The following ARAP3 variants were observed in gnomAD, a reference collection of about 807,000 sequenced individuals.
ARAP3 encodes arf-GAP with Rho-GAP domain, ANK repeat and PH domain-containing protein 3.
ARAP3 carries 82 observed loss-of-function variants against 169.2 expected under a neutral mutation model. That is an observed-to-expected ratio of 0.48 (90% CI 0.41 to 0.58). The LOEUF (loss-of-function observed/expected upper bound fraction) is 0.58. Among genes scored for constraint, ARAP3 ranks in the 20% least tolerant of loss-of-function variants. The probability of loss-of-function intolerance (pLI) is 0.00; values close to 1 mark genes in which losing one functional copy is unlikely to be tolerated. For missense variants in ARAP3, 1,764 were observed against 2,018.0 expected, an observed-to-expected ratio of 0.87 and a Z score of 2.41; for synonymous variants, 791 against 800.3, an observed-to-expected ratio of 0.99 and a Z score of 0.20.
intron 32 of ARAP3, among the ~76,000 whole-genome samples, chr5:141,655,154 T>TCA (rs2099909055): frequency 7.0e-6 from 1 of 143,446 alleles, no homozygotes; most frequent in Non-Finnish European, 1.5e-5. Flanking sequence ...CCTCTCTCTC[T>TCA]CTCACACACA....
intron 27 of ARAP3, 94 bp from the exon 28 acceptor site, chr5:141,656,370 A>G: frequency 1.3e-6 from 2 of 1,595,272 alleles, no homozygotes; most frequent in Non-Finnish European, 1.7e-6. Flanking sequence ...CTGTGGTCAC[A>G]GGGTCACAGA....
chr5:141,671,889 G>A lies in ARAP3; in HGVS notation c.1671+6C>T, dbSNP rs774405004. The A allele has an allele frequency of 5.6e-5, 91 of 1,614,008 alleles. No homozygotes were observed. Among genetic ancestry groups the A allele is most frequent in the Admixed American group, 5.2e-4 (31 of 59,996 alleles). On this transcript the variant is annotated splice_donor_region_variant and intron_variant, in intron 11 of 32. Transcript: ENST00000239440. The surrounding 1 kb of genome is among the most constrained non-coding windows in gnomAD (Gnocchi z 4.9). Reference sequence around the variant, plus strand: ...CCTCCCACCTTCTCCCTCTTCGCCCGCTCACCTGTACTATCTCATTACTCC... The same window carrying A: ...CCTCCCACCTTCTCCCTCTTCGCCCACTCACCTGTACTATCTCATTACTCC...
Position 141,667,059 on chromosome 5 carries a change from G to A in ARAP3, c.2353-416C>T, listed in dbSNP as rs528637210. 1.4e-4 allele frequency among the ~76,000 whole-genome samples: 21 copies of A among 151,994 alleles called. No homozygotes were observed. In the South Asian group the frequency reaches 3.9e-3, roughly 29 times the overall value. On this transcript the variant is annotated intron_variant, in intron 16 of 32. Coordinates refer to ENST00000239440, the MANE Select transcript of ARAP3 (RefSeq NM_022481.6). ...TGAGTAGCTGGGACTACAGGAGCAT[G>A]CCATCACACCTGGCTAATTTTTTTT...
At chr5:141,670,743 C>G (rs1260066919) in intron 13 of ARAP3, 115 bp from the exon 14 acceptor site, 2 of 839,302 alleles carry the variant, frequency 2.4e-6, no homozygotes, top group Non-Finnish European at 3.9e-6. Flanking sequence ...ACTGCCAGCA[C>G]AGCCAAGTAG....
intron 4 of ARAP3, among the ~76,000 whole-genome samples, chr5:141,674,233 GA>G (rs1034297663): frequency 6.6e-6 from 1 of 152,042 alleles, no homozygotes; most frequent in African/African-American, 2.4e-5. Flanking sequence ...AAAGTGTTGG[GA>G]TTACAGGCGT....
At chr5:141,666,682 G>C in intron 16 of ARAP3, 39 bp from the exon 17 acceptor site, 1 of 1,133,574 alleles carries the variant, frequency 8.8e-7, no homozygotes, top group Non-Finnish European at 1.2e-6. Flanking sequence ...AGGGGGATGG[G>C]GGAAGAGACA....
chr5:141,654,344 A>G lies in ARAP3; in HGVS notation c.4241T>C (p.Phe1414Ser). Residue 1414 changes from phenylalanine (F) to serine (S), a missense_variant, in exon 33 of 33, where the codon TTC becomes TCC. By Grantham distance (155) the Phe-to-Ser change is radical. Transcript: ENST00000239440. ...EEPVYEEVGA[F>S]PELIQDTSTS... ...AGAAGTGTCCTGGATCAACTCAGGG[A>G]AGGCCCCTACTTCCTCATACACTGG... is the stretch of plus-strand genomic sequence containing the variant. The G allele has an allele frequency of 1.9e-6, 3 of 1,614,022 alleles. No individual in the cohort carries two copies. Among genetic ancestry groups the G allele is most frequent in the Non-Finnish European group, 2.5e-6 (3 of 1,179,990 alleles).
intron 19 of ARAP3, among the ~76,000 whole-genome samples, chr5:141,663,872 A>G (rs1033420701): frequency 3.3e-5 from 5 of 152,230 alleles, no homozygotes; most frequent in South Asian, 2.1e-4. Flanking sequence ...AAATATTTGG[A>G]AAAAAACCCC....
rs765169717 is a variant in ARAP3 at position 141,654,324 on chromosome 5, T to C, written c.4261A>G (p.Thr1421Ala). The change falls in exon 33 of 33, where the codon ACT becomes GCT. Residue 1421 changes from threonine (T) to alanine (A), a missense_variant. By Grantham distance (58) the Thr-to-Ala change is moderately conservative. Around this residue, in one of 3 missense-constraint regions of ARAP3, gnomAD observed 1,112 missense variants for 1,285.7 expected, o/e 0.86. Transcript: ENST00000239440. ...VGAFPELIQDTSTSFSTTREW... is the reference protein window; with the variant it reads ...VGAFPELIQDASTSFSTTREW... The stretch of plus-strand genomic sequence containing the variant: ...CGTGTGGTGGAGAAGGAGGTAGAAG[T>C]GTCCTGGATCAACTCAGGGAAGGCC... The C allele has an allele frequency of 1.2e-6, 2 of 1,614,112 alleles. No homozygotes were observed. The highest frequency in any genetic ancestry group is 2.2e-5 in the South Asian group (2 of 91,082).
chr5:141,681,592 C>G (rs1162852638), intron 1 of ARAP3, among the ~76,000 whole-genome samples: 1 of 152,152 alleles, frequency 6.6e-6, no homozygotes, highest in Non-Finnish European at 1.5e-5. Flanking sequence ...TTCTTTGTCC[C>G]TCTCCTTGTC....
At chr5:141,678,367 C>T (rs1470922665) in intron 4 of ARAP3, among the ~76,000 whole-genome samples, 1 of 152,190 alleles carries the variant, frequency 6.6e-6, no homozygotes, top group East Asian at 1.9e-4. Context: ...CCTTTGGGCA[C>T]ACACCCGCCT....
In ARAP3 at chr5:141,672,853, G is replaced by A. The variant is rs749701227; in HGVS notation, c.1166C>T (p.Pro389Leu). The A allele has an allele frequency of 1.9e-6, 3 of 1,606,364 alleles. No individual in the cohort carries two copies. Among genetic ancestry groups the A allele is most frequent in the South Asian group, 1.1e-5 (1 of 90,378 alleles). ...GCGGAGGGGTCGGGGTGGTTGGGGG[G>A]GCCGGGGGTGGCCCAGGAGGCGCTG... ...KEQRLLGHPR[P>L]PQPPRPLRTG... The change falls in exon 8 of 33, where the codon CCC becomes CTC. Residue 389 changes from proline to leucine, a missense_variant. Around this residue, in one of 3 missense-constraint regions of ARAP3, gnomAD observed 630 missense variants for 678.7 expected, o/e 0.93. Coordinates refer to ENST00000239440, the MANE Select transcript of ARAP3 (RefSeq NM_022481.6). This position sits in a 1 kb window ranked among gnomAD's most constrained non-coding sequence, Gnocchi z 4.9.
chr5:141,656,144 G>T, intron 28 of ARAP3, 45 bp from the exon 29 acceptor site: 1 of 1,614,076 alleles, frequency 6.2e-7, no homozygotes, highest in East Asian at 2.2e-5. Flanking sequence ...AAGGGCAGGG[G>T]GGTGAAGGCA....
chr5:141,674,692 G>C (rs1245109984), intron 4 of ARAP3, among the ~76,000 whole-genome samples: 1 of 152,180 alleles, frequency 6.6e-6, no homozygotes, highest in African/African-American at 2.4e-5. Flanking sequence ...GTATGACTTG[G>C]ATGGAAAAGA....
At position 141,659,831 on chromosome 5, in the gene ARAP3, T is replaced by C. The variant is rs778551241; in HGVS notation, c.3215A>G (p.His1072Arg). 7.4e-6 allele frequency: 12 copies of C among 1,611,128 alleles called. No homozygotes were observed. The highest frequency in any genetic ancestry group is 1.0e-5 in the Non-Finnish European group (12 of 1,179,034). The change falls in exon 22 of 33, where the codon CAC becomes CGC. Residue 1072 changes from histidine to arginine, a missense_variant. By Grantham distance (29) the His-to-Arg change is conservative. Around this residue, in one of 3 missense-constraint regions of ARAP3, gnomAD observed 1,112 missense variants for 1,285.7 expected, o/e 0.86. Transcript: ENST00000239440. ...GAGCTCTTGCAGCACTCGCACCTCGTGCTCCCCTCGCCCATCCGTCTGGAA... is the reference window on the plus strand; with the variant it reads ...GAGCTCTTGCAGCACTCGCACCTCGCGCTCCCCTCGCCCATCCGTCTGGAA... ...SVFQTDGRGE[H>R]EVRVLQELID...
Position 141,679,762 on chromosome 5 carries a change from T to A in ARAP3, c.585A>T (p.Thr195=), listed in dbSNP as rs1447986101. The change falls in exon 3 of 33, where the codon ACA becomes ACT. Residue 195 remains threonine, a splice_region_variant and synonymous_variant. Transcript: ENST00000239440. ...CCCAACCCGTGATAACCCAGTTACCTGTGCCTGTTGTGGGCCTGAGGGCAG... is the reference window on the plus strand; with the variant it reads ...CCCAACCCGTGATAACCCAGTTACCAGTGCCTGTTGTGGGCCTGAGGGCAG... ...PTPALRPTTG[T]VHIMDPGCLY... is the part of the protein sequence containing the mutation. 1 of 1,613,964 alleles carries A rather than the reference T, an allele frequency of 6.2e-7. No individual in the cohort carries two copies. The highest frequency in any genetic ancestry group is 8.5e-7 in the Non-Finnish European group (1 of 1,180,024).
Position 141,672,356 on chromosome 5 carries a change from C to T in ARAP3, c.1386-55G>A, listed in dbSNP as rs541164411. ...TGGACCTACCTGCCATGTCCCATCC[C>T]CCTGGCTCTTCCTGCAGGAGCCACC... On this transcript the variant is annotated intron_variant, in intron 9 of 32. Coordinates refer to ENST00000239440, the MANE Select transcript of ARAP3 (RefSeq NM_022481.6). The surrounding 1 kb of genome is among the most constrained non-coding windows in gnomAD (Gnocchi z 4.9). The T allele has an allele frequency of 6.2e-7, 1 of 1,601,716 alleles. No homozygotes were observed. Among genetic ancestry groups the T allele is most frequent in the South Asian group, 1.1e-5 (1 of 90,400 alleles).
chr5:141,681,430 C>G (rs1289961355), intron 1 of ARAP3, among the ~76,000 whole-genome samples: 5 of 152,146 alleles, frequency 3.3e-5, no homozygotes, highest in Non-Finnish European at 5.9e-5. Flanking sequence ...TTCCCTTGGG[C>G]TCAGGTCTCT....
intron 16 of ARAP3, among the ~76,000 whole-genome samples, chr5:141,669,363 G>A (rs1486112340): frequency 2.0e-5 from 3 of 152,210 alleles, no homozygotes; most frequent in African/African-American, 4.8e-5. Context: ...CTTCGTGGGA[G>A]GAGGCATTGG....
Sources: gnomAD v4.1 joint callset for allele counts (sites outside exome capture counted in the v4.1 genomes callset) on GRCh38, gnomAD v4.1.1 for gene constraint, gnomAD v4.1.1 regional missense constraint, Gnocchi (gnomAD v3.1) non-coding constraint, MANE v1.5 for transcripts, NCBI Gene and HGNC (gene_info 2026-07-23, HGNC 2026-07-21) for gene names.